EXOC7: variants seen among roughly 807,000 people sequenced by gnomAD.
EXOC7 encodes exocyst complex component 7.
In EXOC7, 51 loss-of-function variants were observed where a neutral mutation model predicts 87.6. The observed-to-expected ratio is 0.58, with a 90% confidence interval of 0.46 to 0.73. The LOEUF is 0.73. EXOC7 is among the 30% of genes least tolerant of loss of function. The probability of loss-of-function intolerance (pLI) is 0.00; values close to 1 mark genes in which losing one functional copy is unlikely to be tolerated. For missense variants in EXOC7, 744 were observed against 888.4 expected, an observed-to-expected ratio of 0.84 and a Z score of 2.07; for synonymous variants, 327 against 357.1, an observed-to-expected ratio of 0.92 and a Z score of 0.95.
chr17:76,095,659 G>A (rs995318884), intron 5 of EXOC7, among the ~76,000 whole-genome samples: 1 of 152,082 alleles, frequency 6.6e-6, no homozygotes, highest in African/African-American at 2.4e-5. Context: ...AATTAATGAA[G>A]AACAAATGGC....
In EXOC7 at chr17:76,082,631, A is replaced by G; in HGVS notation, c.*1017T>C. 1 of 1,612,492 alleles carries G rather than the reference A, an allele frequency of 6.2e-7. No homozygotes were observed. The highest frequency in any genetic ancestry group is 1.1e-5 in the South Asian group (1 of 90,928). On this transcript the variant is annotated 3_prime_UTR_variant, in exon 19 of 19. Transcript: ENST00000589210. ...GCAGCCCCTGGAGAGGCTGCACCCC[A>G]TGGCAGGCGGCCTAGACTGTAAAGG...
chr17:76,088,953 G>T, intron 8 of EXOC7, 30 bp from the exon 9 acceptor site: 1 of 1,605,076 alleles, frequency 6.2e-7, no homozygotes. Context: ...GTTCAGGGAA[G>T]GGTGGGGCGG....
intron 8 of EXOC7, 85 bp from the exon 9 acceptor site, chr17:76,089,008 G>T (rs375294507): frequency 5.4e-6 from 8 of 1,483,458 alleles, no homozygotes; most frequent in African/African-American, 1.4e-5. Flanking sequence ...CAGTATGTAG[G>T]GGGGCCAGTG....
At chr17:76,094,719 G>T in intron 5 of EXOC7, 138 bp from the exon 6 acceptor site, 1 of 795,006 alleles carries the variant, frequency 1.3e-6, no homozygotes, top group Non-Finnish European at 1.9e-6. Context: ...CCCATATCTT[G>T]TCCCAAATCA....
rs1205397565 is a variant in EXOC7 at position 76,097,953 on chromosome 17, G to A, written c.483C>T (p.His161=). The A allele has an allele frequency of 1.9e-6, 3 of 1,613,938 alleles. No homozygotes were observed. Among genetic ancestry groups the A allele is most frequent in the African/African-American group, 2.7e-5 (2 of 74,894 alleles). The change falls in exon 5 of 19, where the codon CAC becomes CAT. Residue 161 remains histidine, a synonymous_variant. Transcript: ENST00000589210. ...TGAGCACGGGCGAGACGACCTTACT[G>A]TGCCGCGTCATCAGGCTGCGAAATT... ...ESEFRSLMTR[H]SKVVSPVLIL...
intron 12 of EXOC7, among the ~76,000 whole-genome samples, chr17:76,086,394 A>G (rs926031127): frequency 1.3e-5 from 2 of 152,194 alleles, no homozygotes; most frequent in Non-Finnish European, 2.9e-5. Context: ...AGCTGGCAGG[A>G]AAAGAGTGAG....
At position 76,082,628 on chromosome 17, in the gene EXOC7, C is replaced by A; in HGVS notation, c.*1020G>T. 1 of 1,612,754 alleles carries A rather than the reference C, an allele frequency of 6.2e-7. No homozygotes were observed. Among genetic ancestry groups the A allele is most frequent in the South Asian group, 1.1e-5 (1 of 90,974 alleles). The stretch of plus-strand genomic sequence containing the variant: ...GACGCAGCCCCTGGAGAGGCTGCAC[C>A]CCATGGCAGGCGGCCTAGACTGTAA... On this transcript the variant is annotated 3_prime_UTR_variant, in exon 19 of 19. Transcript: ENST00000589210.
Position 76,082,006 on chromosome 17 carries a change from G to A in EXOC7, c.*1642C>T. 6.2e-7 allele frequency: 1 copy of A among 1,611,582 alleles called. No individual in the cohort carries two copies. ...GCGGCCCCAGCCCAGCCCCGAGAGG[G>A]GAACAGCGAGAGCACGGCAACCCAG... On this transcript the variant is annotated 3_prime_UTR_variant, in exon 19 of 19. Coordinates refer to ENST00000589210, the MANE Select transcript of EXOC7 (RefSeq NM_001013839.4).
Position 76,082,160 on chromosome 17 carries a change from C to A in EXOC7, c.*1488G>T. The A allele has an allele frequency of 1.5e-6, 2 of 1,310,486 alleles. No individual in the cohort carries two copies. The highest frequency in any genetic ancestry group is 2.1e-6 in the Non-Finnish European group (2 of 963,050). The allele number at this position is 1,310,486 out of a possible 1,614,324, so 81.2% of individuals were successfully genotyped here. A position where few individuals can be genotyped will look rare whatever the true frequency, so the allele number is the denominator to read the frequency against. ...AGGCCCCTTGCATCCACCCTGCTGG[C>A]TCTCCTGTCCCTGGTCTCCACCATG... On this transcript the variant is annotated 3_prime_UTR_variant, in exon 19 of 19. Transcript: ENST00000589210.
chr17:76,088,106 T>G lies in EXOC7; in HGVS notation c.1316A>C (p.Glu439Ala). 6.2e-7 allele frequency: 1 copy of G among 1,613,978 alleles called. No individual in the cohort carries two copies. Among genetic ancestry groups the G allele is most frequent in the Non-Finnish European group, 8.5e-7 (1 of 1,179,972 alleles). ...GGTGCCGTCCTTCGGCATGTTGTAC[T>G]CCTTGTCCGGGTCATTCTGTGGAAA... ...ADNIKNDPDK[E>A]YNMPKDGTVH... is the part of the protein sequence containing the mutation. The change falls in exon 11 of 19, where the codon GAG becomes GCG. Residue 439 changes from glutamate to alanine, a missense_variant. Physicochemically the swap from Glu to Ala is moderately radical, Grantham distance 107. Transcript: ENST00000589210.
At chr17:76,085,285 G>A in intron 15 of EXOC7, 29 bp downstream of exon 15, 1 of 1,543,082 alleles carries the variant, frequency 6.5e-7, no homozygotes, top group Non-Finnish European at 8.8e-7. Context: ...AGGGGCCCAT[G>A]CAGGAGCAGG....
chr17:76,086,985 C>CAT, intron 12 of EXOC7: 1 of 1,119,176 alleles, frequency 8.9e-7, no homozygotes, highest in Non-Finnish European at 1.3e-6. Flanking sequence ...TTAGAAACGG[C>CAT]ATGTCAACCC....
rs895761246 is a variant in EXOC7, at chr17:76,103,699, G to C, written c.-7C>G. On this transcript the variant is annotated 5_prime_UTR_variant, in exon 1 of 19. Transcript: ENST00000589210. ...CCTCCTGTGGGGGAATCATCGCTCT[G>C]AACCCCGCGGCTCCCACTCCCCAGT... The C allele has an allele frequency of 7.5e-6, 12 of 1,604,244 alleles. No individual in the cohort carries two copies. The highest frequency in any genetic ancestry group is 5.4e-5 in the African/African-American group (4 of 74,494).
At chr17:76,101,476 G>A (rs143281891) in intron 3 of EXOC7, 100 bp from the exon 4 acceptor site, 12 of 1,501,732 alleles carry the variant, frequency 8.0e-6, no homozygotes, top group Middle Eastern at 2.0e-4. Flanking sequence ...GGGGACTCCA[G>A]GCTCAAATAT....
chr17:76,087,626 AGGGGGCCCAACTG>A lies in EXOC7; in HGVS notation c.1429+15_1429+27del. 6.5e-7 allele frequency: 1 copy of A among 1,546,900 alleles called. No homozygotes were observed. Among genetic ancestry groups the A allele is most frequent in the Middle Eastern group, 1.7e-4 (1 of 5,984 alleles). On this transcript the variant is annotated intron_variant, in intron 12 of 18. Transcript: ENST00000589210. ...CTCCAGGCAAGGAGGCGAGTGGGGCAGGGGGCCCAACTGGGAGGTACCAGTACCTTGGGAGGCC... is the reference window on the plus strand; with the variant it reads ...CTCCAGGCAAGGAGGCGAGTGGGGCAGGAGGTACCAGTACCTTGGGAGGCC...
chr17:76,100,682 C>G (rs933620963), intron 4 of EXOC7, among the ~76,000 whole-genome samples: 1 of 151,530 alleles, frequency 6.6e-6, no homozygotes, highest in Non-Finnish European at 1.5e-5. Context: ...AATAAAGGAA[C>G]AACAAATGCA....
chr17:76,089,361 A>G (rs1419592545), intron 7 of EXOC7, 41 bp from the exon 8 acceptor site: 1 of 1,606,552 alleles, frequency 6.2e-7, no homozygotes, highest in African/African-American at 1.3e-5. Flanking sequence ...GTCTGGGGCC[A>G]GCCACACTCC....
chr17:76,091,231 C>T lies in EXOC7; in HGVS notation c.813G>A (p.Thr271=). 4 of 1,613,956 alleles carry T rather than the reference C, an allele frequency of 2.5e-6. No homozygotes were observed. Among genetic ancestry groups the T allele is most frequent in the Non-Finnish European group, 1.7e-6 (2 of 1,179,930 alleles). ...PTKKPVKRPG[T]IRKAQNLLKQ... is the part of the protein sequence containing the mutation. Reference sequence around the variant, plus strand: ...TCAGAAGGTTCTGAGCCTTACGGATCGTCCCTGTCACCAGAGCCACACAGA... The same window carrying T: ...TCAGAAGGTTCTGAGCCTTACGGATTGTCCCTGTCACCAGAGCCACACAGA... The change falls in exon 7 of 19, where the codon ACG becomes ACA. Residue 271 remains threonine, a synonymous_variant. Coordinates refer to ENST00000589210, the MANE Select transcript of EXOC7 (RefSeq NM_001013839.4).
At chr17:76,086,807 C>A in intron 12 of EXOC7, 1 of 1,538,594 alleles carries the variant, frequency 6.5e-7, no homozygotes, top group Non-Finnish European at 8.8e-7. Context: ...ACCTCACCCA[C>A]CAAGCTTCAG....
Sources: gnomAD v4.1 joint callset for allele counts (sites outside exome capture counted in the v4.1 genomes callset) on GRCh38, gnomAD v4.1.1 for gene constraint, MANE v1.5 for transcripts, NCBI Gene and HGNC (gene_info 2026-07-23, HGNC 2026-07-21) for gene names.